Variants in BAZ2A observed in about 807,000 individuals in gnomAD.
BAZ2A encodes bromodomain adjacent to zinc finger domain 2A.
BAZ2A carries 34 observed loss-of-function variants against 199.9 expected under a neutral mutation model. The observed-to-expected ratio is 0.17, with a 90% CI of 0.13 to 0.23. BAZ2A has a LOEUF of 0.23. BAZ2A is among the 10% of genes least tolerant of loss of function. The probability of loss-of-function intolerance (pLI) is 1.00; values close to 1 mark genes in which losing one functional copy is unlikely to be tolerated. For missense variants in BAZ2A, 2,002 were observed against 2,391.1 expected (o/e 0.84, Z 3.39); for synonymous variants, 857 against 883.9 (o/e 0.97, Z 0.54).
Position 56,630,238 on chromosome 12 carries a change from G to A in BAZ2A, c.-116C>T. ...GGTGGAGACGCCCGCTGGGGAGGGGGTCTGGGGTCCGGGGTTCGGGAAGGG... is the reference window on the plus strand; with the variant it reads ...GGTGGAGACGCCCGCTGGGGAGGGGATCTGGGGTCCGGGGTTCGGGAAGGG... On this transcript the variant is annotated 5_prime_UTR_variant, in exon 1 of 29. Coordinates refer to ENST00000549884, the MANE Select transcript of BAZ2A (RefSeq NM_001300905.2). 1 of 981,700 alleles carries A rather than the reference G, an allele frequency of 1.0e-6. No homozygotes were observed. The highest frequency in any genetic ancestry group is 1.2e-6 in the Non-Finnish European group (1 of 826,488). 60.8% of individuals were successfully genotyped at this position (981,700 alleles called of 1,614,324 possible).
intron 15 of BAZ2A, 92 bp from the exon 16 acceptor site, chr12:56,604,383 C>G: frequency 7.1e-7 from 1 of 1,411,590 alleles, no homozygotes; most frequent in South Asian, 1.2e-5. Context: ...AAAAGGAGTT[C>G]CAGCCTAGAA....
Position 56,603,642 on chromosome 12 carries a change from C to G in BAZ2A, c.3097G>C (p.Glu1033Gln). 1 of 1,613,958 alleles carries G rather than the reference C, an allele frequency of 6.2e-7. No homozygotes were observed. The highest frequency in any genetic ancestry group is 2.2e-5 in the East Asian group (1 of 44,906). Residue 1033 changes from glutamate to glutamine, a missense_variant, in exon 17 of 29, where the codon GAG becomes CAG. Physicochemically the swap from Glu to Gln is conservative, Grantham distance 29. Around this residue, in one of 6 missense-constraint regions of BAZ2A, gnomAD observed 1,081 missense variants for 1,274.7 expected, o/e 0.85. Coordinates refer to ENST00000549884, the MANE Select transcript of BAZ2A (RefSeq NM_001300905.2). ...GRSEVEMEGP[E>Q]ECLGRRRSSR... Reference sequence around the variant, plus strand: ...CTGCGCCTCCGTCCCAGGCATTCCTCTGGCCCTTCCATCTCTACTTCAGAC... The same window carrying G: ...CTGCGCCTCCGTCCCAGGCATTCCTGTGGCCCTTCCATCTCTACTTCAGAC...
chr12:56,625,151 TTTC>T (rs906820059), intron 1 of BAZ2A, among the ~76,000 whole-genome samples: 1 of 142,662 alleles, frequency 7.0e-6, no homozygotes, highest in Non-Finnish European at 1.5e-5. Context: ...TTTCTTAGAA[TTTC>T]TTTTTTTTTT....
Position 56,614,116 on chromosome 12 carries a change from A to G in BAZ2A, c.753T>C (p.Asn251=). ...ACGATTCCACAGAAGGGACAGAGCC[A>G]TTGTAGCCACACATCTTCAGTTCTA... ...EQPELKMCGY[N]GSVPSVESLH... Residue 251 remains asparagine (N), a synonymous_variant, in exon 4 of 29, where the codon AAT becomes AAC. Coordinates refer to ENST00000549884, the MANE Select transcript of BAZ2A (RefSeq NM_001300905.2). 2 of 1,613,920 alleles carry G rather than the reference A, an allele frequency of 1.2e-6. No homozygotes were observed. The highest frequency in any genetic ancestry group is 1.7e-6 in the Non-Finnish European group (2 of 1,179,816).
At chr12:56,614,725 C>A (rs1168745637) in intron 3 of BAZ2A, among the ~76,000 whole-genome samples, 1 of 152,192 alleles carries the variant, frequency 6.6e-6, no homozygotes, top group Non-Finnish European at 1.5e-5. Flanking sequence ...TTGAAAGAAG[C>A]CTTTCTTGAT....
At chr12:56,615,748 G>C (rs1326874376) in intron 2 of BAZ2A, 141 bp from the exon 3 acceptor site, 1 of 757,252 alleles carries the variant, frequency 1.3e-6, no homozygotes, top group Non-Finnish European at 2.1e-6. Flanking sequence ...TTTAGTTTTT[G>C]GGTCTCTGGA....
Position 56,597,353 on chromosome 12 carries a change from G to A in BAZ2A, c.*1265C>T, listed in dbSNP as rs1885910762. 1 of 152,390 alleles carries A rather than the reference G, an allele frequency of 6.6e-6. No individual in the cohort carries two copies. Among genetic ancestry groups the A allele is most frequent in the Non-Finnish European group, 1.5e-5 (1 of 68,020 alleles). 9.4% of individuals were successfully genotyped at this position (152,390 alleles called of 1,614,324 possible). ...AAGATTCAAAGCTACCGAGAAGAGA[G>A]GGAGTTCCTGCTGAAAGATTGCACA... On this transcript the variant is annotated 3_prime_UTR_variant, in exon 29 of 29. Coordinates refer to ENST00000549884, the MANE Select transcript of BAZ2A (RefSeq NM_001300905.2).
chr12:56,600,558 AC>A, intron 23 of BAZ2A, 68 bp from the exon 24 acceptor site: 14 of 1,573,172 alleles, frequency 8.9e-6, no homozygotes, highest in Non-Finnish European at 1.0e-5. Context: ...AAAAAAAAAA[AC>A]AAAAACAAGA....
chr12:56,632,881 C>G (rs903844506), upstream of BAZ2A, among the ~76,000 whole-genome samples: 3 of 152,102 alleles, frequency 2.0e-5, no homozygotes, highest in Admixed American at 6.5e-5. Flanking sequence ...GCTTCTCCCC[C>G]CATCCAGACG....
rs760539222 is a variant in BAZ2A at position 56,603,536 on chromosome 12, C to A, written c.3203G>T (p.Gly1068Val). ...GGCCAGTACCTCTCCATCTCTTCGA[C>A]CCCTGCGGCCAGGGACAGCTGCTAT... ...ESIAAVPGRRGRRDGEVDATA... is the reference protein window; with the variant it reads ...ESIAAVPGRRVRRDGEVDATA... Residue 1068 changes from glycine to valine, a missense_variant, in exon 17 of 29, where the codon GGT (glycine) becomes GTT (valine). Coordinates refer to ENST00000549884, the MANE Select transcript of BAZ2A (RefSeq NM_001300905.2). 2.0e-5 allele frequency: 32 copies of A among 1,613,904 alleles called. No homozygotes were observed. Among genetic ancestry groups the A allele is most frequent in the Non-Finnish European group, 2.0e-5 (24 of 1,179,900 alleles).
intron 1 of BAZ2A, among the ~76,000 whole-genome samples, chr12:56,619,321 G>A (rs1472723986): frequency 6.6e-6 from 1 of 151,354 alleles, no homozygotes; most frequent in East Asian, 1.9e-4. Context: ...CTCCAGCCTG[G>A]GGGACAAGAG....
intron 1 of BAZ2A, among the ~76,000 whole-genome samples, chr12:56,627,704 T>C (rs1251043645): frequency 6.6e-6 from 1 of 150,654 alleles, no homozygotes; most frequent in African/African-American, 2.4e-5. Flanking sequence ...TGCGTGTCTG[T>C]GGTCCCAGCT....
upstream of BAZ2A, among the ~76,000 whole-genome samples, chr12:56,631,901 C>T (rs1411289120): frequency 1.3e-5 from 2 of 152,118 alleles, no homozygotes; most frequent in African/African-American, 4.8e-5. Flanking sequence ...GACTCCACCC[C>T]TCCACCCCCC....
At position 56,630,244 on chromosome 12, in the gene BAZ2A, G is replaced by A. The variant is rs897672935; in HGVS notation, c.-122C>T. 3.0e-6 allele frequency: 3 copies of A among 984,190 alleles called. No homozygotes were observed. The South Asian group carries it at 1.4e-4, about 46-fold the overall frequency. 61.0% of individuals were successfully genotyped at this position (984,190 alleles called of 1,614,324 possible). On this transcript the variant is annotated 5_prime_UTR_variant, in exon 1 of 29. Coordinates refer to ENST00000549884, the MANE Select transcript of BAZ2A (RefSeq NM_001300905.2). ...GACGCCCGCTGGGGAGGGGGTCTGG[G>A]GTCCGGGGTTCGGGAAGGGGGAGGG...
Position 56,606,010 on chromosome 12 carries a change from CTT to C in BAZ2A, c.2311_2312del (p.Lys771GlufsTer23), listed in dbSNP as rs781511099. ...TTTTTACCTTCTCCTTCTTTTCCCT[CTT>C]GACTTTTTCCTTCAGTTTTTCCTGC... ...TKQEKLKEKV[K>X]REKKEKVKMK... On this transcript the variant is annotated frameshift_variant, in exon 13 of 29. Transcript: ENST00000549884. LOFTEE classifies it high-confidence loss of function. The C allele has an allele frequency of 6.4e-7, 1 of 1,552,024 alleles. No individual in the cohort carries two copies.
chr12:56,633,882 G>C, upstream of BAZ2A, among the ~76,000 whole-genome samples: 1 of 152,120 alleles, frequency 6.6e-6, no homozygotes, highest in East Asian at 1.9e-4. Flanking sequence ...ACAGGCACAC[G>C]CCACCACGAC....
intron 2 of BAZ2A, among the ~76,000 whole-genome samples, chr12:56,616,029 G>A (rs573115666): frequency 1.3e-5 from 2 of 152,112 alleles, no homozygotes; most frequent in Non-Finnish European, 2.9e-5. Context: ...TCAGCCTCCC[G>A]AGTAGCTGGG....
chr12:56,627,211 G>A (rs962475254), intron 1 of BAZ2A, among the ~76,000 whole-genome samples: 1 of 152,178 alleles, frequency 6.6e-6, no homozygotes, highest in Non-Finnish European at 1.5e-5. Context: ...TCAAGGCTTG[G>A]CCCTGTGGCT....
intron 15 of BAZ2A, 58 bp downstream of exon 15, chr12:56,604,527 C>T: frequency 1.3e-6 from 2 of 1,500,144 alleles, no homozygotes; most frequent in Non-Finnish European, 1.8e-6. Context: ...GGCTACAAGT[C>T]CTCCACCCCA....
Sources: gnomAD v4.1 joint callset for allele counts (sites outside exome capture counted in the v4.1 genomes callset) on GRCh38, gnomAD v4.1.1 for gene constraint, gnomAD v4.1.1 regional missense constraint, MANE v1.5 for transcripts, NCBI Gene and HGNC (gene_info 2026-07-23, HGNC 2026-07-21) for gene names.